CAMTA2: variants seen among roughly 807,000 people sequenced by gnomAD.
CAMTA2 encodes calmodulin binding transcription activator 2, also known as calmodulin-binding transcription activator 2.
A neutral mutation model predicts 135.7 loss-of-function variants in CAMTA2; 56 were observed. The ratio of observed to expected loss-of-function variants is 0.41; its 90% CI spans 0.33 to 0.52. CAMTA2 has a LOEUF of 0.52. CAMTA2 is among the 20% of genes least tolerant of loss of function. The pLI, the probability that CAMTA2 is intolerant of heterozygous loss-of-function variation, is 0.16. For synonymous variants in CAMTA2, 591 were observed against 604.6 expected, an observed-to-expected ratio of 0.98 and a Z score of 0.33; for missense variants, 1,358 against 1,553.4, an observed-to-expected ratio of 0.87 and a Z score of 2.11.
Position 4,981,248 on chromosome 17 carries a change from G to A in CAMTA2, c.677C>T (p.Ala226Val). The A allele has an allele frequency of 6.2e-7, 1 of 1,613,968 alleles. No homozygotes were observed. The highest frequency in any genetic ancestry group is 8.5e-7 in the Non-Finnish European group (1 of 1,179,998). ...HPTKPAPRTH[A>V]CLCSGGLGSG... Reference sequence around the variant, plus strand: ...ACCAAGCCCCCCACTGCAGAGACAGGCGTGGGTTCGGGGAGCAGGCTTGGT... The same window carrying A: ...ACCAAGCCCCCCACTGCAGAGACAGACGTGGGTTCGGGGAGCAGGCTTGGT... The change falls in exon 8 of 23, where the codon GCC becomes GTC. Residue 226 changes from alanine (A) to valine (V), a missense_variant. By Grantham distance (64) the Ala-to-Val change is moderately conservative. Coordinates refer to ENST00000348066, the MANE Select transcript of CAMTA2 (RefSeq NM_015099.4).
chr17:4,986,553 G>A, intron 1 of CAMTA2: 2 of 518,540 alleles, frequency 3.9e-6, no homozygotes, highest in Non-Finnish European at 6.8e-6. Context: ...CAGGGCTTGG[G>A]CCTCAGAGGC....
In CAMTA2 at chr17:4,978,486, G is replaced by A. The variant is rs369353468; in HGVS notation, c.1765+18C>T. ...CCCACATGTCAGTCCCTCCCCCTAC[G>A]GTTCCCAATCCTCATACCGGGACAG... On this transcript the variant is annotated intron_variant, in intron 10 of 22. Coordinates refer to ENST00000348066, the MANE Select transcript of CAMTA2 (RefSeq NM_015099.4). 5.0e-6 allele frequency: 8 copies of A among 1,612,724 alleles called. No homozygotes were observed. The highest frequency in any genetic ancestry group is 1.6e-4 in the Middle Eastern group (1 of 6,072).
At position 4,969,101 on chromosome 17, in the gene CAMTA2, A is replaced by G; in HGVS notation, c.3470+49T>C. 1 of 1,579,996 alleles carries G rather than the reference A, an allele frequency of 6.3e-7. No homozygotes were observed. Among genetic ancestry groups the G allele is most frequent in the South Asian group, 1.1e-5 (1 of 89,084 alleles). ...TGATCAAGAGGATGAGTAAGGGGGA[A>G]TGGCGTGGATGCAGTGGGTGGGCAC... On this transcript the variant is annotated intron_variant, in intron 21 of 22. Transcript: ENST00000348066. The surrounding 1 kb of genome is among the most constrained non-coding windows in gnomAD (Gnocchi z 5.6).
chr17:4,971,242 C>A (rs1972265640), intron 16 of CAMTA2, among the ~76,000 whole-genome samples: 1 of 152,164 alleles, frequency 6.6e-6, no homozygotes, highest in South Asian at 2.1e-4. Flanking sequence ...GCCAGCCTTA[C>A]CTCTCCACAC....
rs768181524 is a variant in CAMTA2 at position 4,974,384 on chromosome 17, C to T, written c.2016+1G>A. On this transcript the variant is annotated splice_donor_variant, in intron 12 of 22. Transcript: ENST00000348066. LOFTEE classifies it high-confidence loss of function. ...GACCACCTCCCTCCTCACAGAAGTA[C>T]CTGAACTGGAGGAGCATCAGGACCC... 3.8e-6 allele frequency: 6 copies of T among 1,596,988 alleles called. No homozygotes were observed. Among genetic ancestry groups the T allele is most frequent in the Non-Finnish European group, 5.2e-6 (6 of 1,164,554 alleles).
Position 4,977,058 on chromosome 17 carries a change from C to G in CAMTA2, c.1900G>C (p.Asp634His). Residue 634 changes from aspartate to histidine, a missense_variant and splice_region_variant, in exon 11 of 23, where the codon GAC becomes CAC. By Grantham distance (81) the Asp-to-His change is moderately conservative (BLOSUM62 -1). Transcript: ENST00000348066. ...TGGGTTCAGAGGGCTGGGTACTCAC[C>G]GTCCAGTGACAGCCAGTCAAGTTGA... ...STQLDWLSLDDNQFRMSILER... is the reference protein window; with the variant it reads ...STQLDWLSLDHNQFRMSILER... 6.2e-7 allele frequency: 1 copy of G among 1,614,064 alleles called. No homozygotes were observed.
Position 4,968,622 on chromosome 17 carries a change from AG to A in CAMTA2, c.*133del. On this transcript the variant is annotated 3_prime_UTR_variant, in exon 23 of 23. Coordinates refer to ENST00000348066, the MANE Select transcript of CAMTA2 (RefSeq NM_015099.4). ...TGGGAGCAAGGCGTGGGGAGGAGGG[AG>A]GAGGCCTACAGAGGGCTCCAACAAA... 1.1e-6 allele frequency: 1 copy of A among 875,754 alleles called. No homozygotes were observed. Among genetic ancestry groups the A allele is most frequent in the Middle Eastern group, 3.2e-4 (1 of 3,090 alleles). 54.2% of individuals were successfully genotyped at this position (875,754 alleles called of 1,614,324 possible).
At chr17:4,972,099 C>G in intron 16 of CAMTA2, 133 bp downstream of exon 16, 1 of 752,240 alleles carries the variant, frequency 1.3e-6, no homozygotes. Flanking sequence ...AAAAGGCTAC[C>G]TTGCCTGTCC....
rs746384376 is a variant in CAMTA2, at chr17:4,987,648, C to CCG, written c.-121_-120insCG. 6.6e-7 allele frequency: 1 copy of CCG among 1,521,732 alleles called. No homozygotes were observed. Among genetic ancestry groups the CCG allele is most frequent in the East Asian group, 2.6e-5 (1 of 39,100 alleles). 94.3% of individuals were successfully genotyped at this position (1,521,732 alleles called of 1,614,324 possible). ...CGGCCATTCTACCCCACACCGACCC[C>CCG]CCCCAGCGCCGGCTGACAGCGGCGT... On this transcript the variant is annotated 5_prime_UTR_variant, in exon 1 of 23. Coordinates refer to ENST00000348066, the MANE Select transcript of CAMTA2 (RefSeq NM_015099.4).
intron 1 of CAMTA2, chr17:4,987,320 G>C: frequency 7.4e-6 from 10 of 1,344,968 alleles, no homozygotes; most frequent in Non-Finnish European, 9.5e-6. Context: ...TGGAGAAGCC[G>C]GGAGCAGAGT....
At chr17:4,987,218 G>T in intron 1 of CAMTA2, 2 of 1,342,578 alleles carry the variant, frequency 1.5e-6, no homozygotes, top group Non-Finnish European at 1.9e-6. Flanking sequence ...CGCCGGATCG[G>T]ACGCTTGGCA....
rs16942630 is a variant in CAMTA2, at chr17:4,975,142, C to T, written c.1901-642G>A. The stretch of plus-strand genomic sequence containing the variant: ...CCCCCCAAGCTATATCTGTCCCCTC[C>T]TGAGATCAAACAAGGACAAGAAGGG... On this transcript the variant is annotated intron_variant, in intron 11 of 22. Transcript: ENST00000348066. Among the ~76,000 whole-genome samples the T allele has an allele frequency of 2.0e-5, 3 of 152,008 alleles. No homozygotes were observed. In the East Asian group the frequency reaches 5.8e-4, roughly 29 times the overall value.
At position 4,970,377 on chromosome 17, in the gene CAMTA2, C is replaced by T; in HGVS notation, c.2968G>A (p.Glu990Lys). The change falls in exon 17 of 23, where the codon GAG becomes AAG. Residue 990 changes from glutamate to lysine, a missense_variant. Physicochemically the swap from Glu to Lys is moderately conservative, Grantham distance 56. Transcript: ENST00000348066. ...GAGCTGGGGAAATGGTCCACATTCT[C>T]CAGGTAGCTGGCCAGCCAGGACATG... ...ETMSWLASYL[E>K]NVDHFPSSTP... is the part of the protein sequence containing the mutation. The T allele has an allele frequency of 2.5e-6, 4 of 1,614,242 alleles. No homozygotes were observed. The highest frequency in any genetic ancestry group is 3.4e-6 in the Non-Finnish European group (4 of 1,180,036).
At chr17:4,978,359 G>C in intron 10 of CAMTA2, 145 bp downstream of exon 10, 2 of 787,814 alleles carry the variant, frequency 2.5e-6, no homozygotes, top group South Asian at 4.1e-5. Flanking sequence ...GGGAGAGCTT[G>C]GGGCTCAACC....
chr17:4,982,049 G>C (rs745937484), intron 6 of CAMTA2, 40 bp downstream of exon 6: 1 of 1,504,846 alleles, frequency 6.6e-7, no homozygotes, highest in South Asian at 1.1e-5. Context: ...CCCTCAAAGA[G>C]TCAGGAAGAG....
intron 11 of CAMTA2, among the ~76,000 whole-genome samples, chr17:4,976,469 C>T (rs558648370): frequency 4.0e-5 from 6 of 151,476 alleles, no homozygotes; most frequent in African/African-American, 7.3e-5. Flanking sequence ...TAGACCAAGG[C>T]GGGGTGGATT....
chr17:4,985,835 C>T (rs1652835653), intron 3 of CAMTA2, 45 bp downstream of exon 3: 1 of 1,246,084 alleles, frequency 8.0e-7, no homozygotes, highest in African/African-American at 1.5e-5. Context: ...CTCCTCCAGC[C>T]TACTAGGTCT....
chr17:4,969,745 C>A lies in CAMTA2; in HGVS notation c.3190-44G>T. 1 of 1,610,602 alleles carries A rather than the reference C, an allele frequency of 6.2e-7. No homozygotes were observed. The highest frequency in any genetic ancestry group is 1.7e-4 in the Middle Eastern group (1 of 5,980). On this transcript the variant is annotated intron_variant, in intron 18 of 22. Coordinates refer to ENST00000348066, the MANE Select transcript of CAMTA2 (RefSeq NM_015099.4). This position sits in a 1 kb window ranked among gnomAD's most constrained non-coding sequence, Gnocchi z 5.6. ...CACCACCTCATGACCCACATAATGG[C>A]ATATCTGACTTGTCCCTTCAACTTT...
Position 4,980,209 on chromosome 17 carries a change from G to A in CAMTA2, c.1113C>T (p.Pro371=), listed in dbSNP as rs1371119264. The change falls in exon 9 of 23, where the codon CCC becomes CCT. Residue 371 remains proline, a synonymous_variant. Coordinates refer to ENST00000348066, the MANE Select transcript of CAMTA2 (RefSeq NM_015099.4). This position sits in a 1 kb window ranked among gnomAD's most constrained non-coding sequence, Gnocchi z 5.3. ...GTEPSAPPAP[P]SPAFDPDRFL... is the part of the protein sequence containing the mutation. ...AACGATCAGGGTCAAAGGCAGGACT[G>A]GGAGGAGCTGGTGGGGCAGAAGGCT... is the stretch of plus-strand genomic sequence containing the variant. The A allele has an allele frequency of 1.1e-5, 17 of 1,575,740 alleles. No homozygotes were observed. The highest frequency in any genetic ancestry group is 1.2e-5 in the Non-Finnish European group (14 of 1,159,890).
Sources: gnomAD v4.1 joint callset for allele counts (sites outside exome capture counted in the v4.1 genomes callset) on GRCh38, gnomAD v4.1.1 for gene constraint, Gnocchi (gnomAD v3.1) non-coding constraint, MANE v1.5 for transcripts, NCBI Gene and HGNC (gene_info 2026-07-23, HGNC 2026-07-21) for gene names.